COMMD1: variants seen among roughly 807,000 people sequenced by gnomAD.
The protein encoded by COMMD1 is copper metabolism domain containing 1, also known as COMM domain-containing protein 1.
Under a neutral mutation model 17.2 loss-of-function variants are expected in COMMD1, and 10 were observed. The ratio of observed to expected loss-of-function variants is 0.58; its 90% confidence interval spans 0.36 to 0.99. The LOEUF is 0.99. Among genes scored for constraint, COMMD1 ranks in the 50% least tolerant of loss-of-function variants. COMMD1 has a pLI of 0.01. For missense variants in COMMD1, 270 were observed against 231.8 expected, an observed-to-expected ratio of 1.17 and a Z score of -1.07; for synonymous variants, 97 against 91.6, an observed-to-expected ratio of 1.06 and a Z score of -0.34.
chr2:61,913,577 G>A (rs1441134227), intron 1 of COMMD1, among the ~76,000 whole-genome samples: 1 of 150,834 alleles, frequency 6.6e-6, no homozygotes, highest in African/African-American at 2.4e-5. Flanking sequence ...CTAAAAATTG[G>A]CTCTACTAAA....
chr2:61,962,607 C>T (rs532458433), intron 1 of COMMD1, among the ~76,000 whole-genome samples: 11 of 152,182 alleles, frequency 7.2e-5, no homozygotes, highest in South Asian at 2.1e-4. Context: ...TTCATACCTA[C>T]GTAATGCAGC....
chr2:61,955,794 T>G (rs574022545), intron 1 of COMMD1, among the ~76,000 whole-genome samples: 1 of 152,254 alleles, frequency 6.6e-6, no homozygotes, highest in African/African-American at 2.4e-5. Context: ...CAAGTGATTC[T>G]CCTGCCTCAG....
chr2:61,998,660 A>C (rs1428451211), intron 1 of COMMD1, among the ~76,000 whole-genome samples: 1 of 152,358 alleles, frequency 6.6e-6, no homozygotes, highest in Non-Finnish European at 1.5e-5. Context: ...GCTGTCTGGC[A>C]CAGGAGGCCT....
chr2:61,935,827 T>G (rs985443650), intron 1 of COMMD1, among the ~76,000 whole-genome samples: 3 of 152,128 alleles, frequency 2.0e-5, no homozygotes, highest in African/African-American at 7.2e-5. Context: ...TATCGATTTT[T>G]TTTTTTTGAG....
At chr2:62,069,901 A>G (rs1671153953) in intron 2 of COMMD1, 1 of 152,238 alleles carries the variant, frequency 6.6e-6, no homozygotes, top group South Asian at 2.1e-4. Flanking sequence ...ATTTAGATCT[A>G]TCAAAATGTG....
At chr2:61,947,165 T>A (rs1170537045) in intron 1 of COMMD1, among the ~76,000 whole-genome samples, 1 of 152,164 alleles carries the variant, frequency 6.6e-6, no homozygotes, top group Non-Finnish European at 1.5e-5. Flanking sequence ...GACCCAAATA[T>A]CTTTAGTTTC....
chr2:61,894,310 C>T (rs1669504585), intron 1 of COMMD1, among the ~76,000 whole-genome samples: 1 of 152,070 alleles, frequency 6.6e-6, no homozygotes, highest in South Asian at 2.1e-4. Flanking sequence ...CCATGTTGGC[C>T]AGGCTGGTCT....
At chr2:62,113,916 T>C (rs947452758) in intron 2 of COMMD1, among the ~76,000 whole-genome samples, 2 of 152,256 alleles carry the variant, frequency 1.3e-5, no homozygotes, top group African/African-American at 4.8e-5. Flanking sequence ...GGCTTTGCTT[T>C]AGAATTTTCT....
chr2:61,990,899 T>C (rs62149910), intron 1 of COMMD1, among the ~76,000 whole-genome samples: 8 of 69,240 alleles, frequency 1.2e-4, no homozygotes, highest in South Asian at 1.3e-3. Context: ...AAAATATATA[T>C]ATATACACAC....
intron 2 of COMMD1, among the ~76,000 whole-genome samples, chr2:62,077,185 G>C (rs1006467471): frequency 4.5e-4 from 68 of 152,192 alleles, no homozygotes; most frequent in Non-Finnish European, 3.8e-4. Context: ...CAAATGGAAA[G>C]TGTTCAGTTA....
At chr2:62,130,135 A>C (rs1461633104) in intron 2 of COMMD1, among the ~76,000 whole-genome samples, 1 of 149,844 alleles carries the variant, frequency 6.7e-6, no homozygotes, top group African/African-American at 2.5e-5. Context: ...AGATCGCGCC[A>C]GTGAGCGAGA....
intron 2 of COMMD1, among the ~76,000 whole-genome samples, chr2:62,111,116 A>T (rs1324474338): frequency 6.6e-6 from 1 of 151,990 alleles, no homozygotes; most frequent in Non-Finnish European, 1.5e-5. Context: ...ACGAATGGAG[A>T]TTTTCTTTAT....
chr2:61,994,891 G>C (rs1256734840), intron 1 of COMMD1, among the ~76,000 whole-genome samples: 1 of 152,118 alleles, frequency 6.6e-6, no homozygotes, highest in Non-Finnish European at 1.5e-5. Context: ...AGAGAAAGGA[G>C]GATATTGTGA....
intron 2 of COMMD1, among the ~76,000 whole-genome samples, chr2:62,008,053 A>G (rs1009775973): frequency 6.6e-6 from 1 of 152,060 alleles, no homozygotes; most frequent in African/African-American, 2.4e-5. Flanking sequence ...GTGATACTGC[A>G]TGTCTGTAAT....
At chr2:61,939,753 T>C (rs1321719604) in intron 1 of COMMD1, among the ~76,000 whole-genome samples, 1 of 152,186 alleles carries the variant, frequency 6.6e-6, no homozygotes, top group African/African-American at 2.4e-5. Flanking sequence ...AAAAATTTTT[T>C]GGACCGTTCT....
intron 2 of COMMD1, among the ~76,000 whole-genome samples, chr2:62,022,013 C>G (rs1397895808): frequency 1.3e-5 from 2 of 151,788 alleles, no homozygotes; most frequent in African/African-American, 4.8e-5. Flanking sequence ...TTTGTTTGTG[C>G]TTTGGCATCA....
chr2:61,995,099 T>TA (rs1668718561), intron 1 of COMMD1, among the ~76,000 whole-genome samples: 1 of 1,632 alleles, frequency 6.1e-4, no homozygotes, highest in Non-Finnish European at 9.3e-4. Context: ...CAGCTTAAAA[T>TA]TTTTTTTTCA....
At chr2:62,118,050 C>T (rs1314258784) in intron 2 of COMMD1, among the ~76,000 whole-genome samples, 2 of 152,138 alleles carry the variant, frequency 1.3e-5, no homozygotes, top group East Asian at 1.9e-4. Flanking sequence ...GAATTGTGTG[C>T]GATTTTAAGT....
intron 1 of COMMD1, among the ~76,000 whole-genome samples, chr2:61,898,707 T>C (rs1418981210): frequency 6.6e-6 from 1 of 152,122 alleles, no homozygotes; most frequent in Non-Finnish European, 1.5e-5. Context: ...AGTTGCTTAA[T>C]GGAACTTAGG....
Sources: gnomAD v4.1 joint callset for allele counts (sites outside exome capture counted in the v4.1 genomes callset) on GRCh38, gnomAD v4.1.1 for gene constraint, MANE v1.5 for transcripts, NCBI Gene and HGNC (gene_info 2026-07-23, HGNC 2026-07-21) for gene names.